MYH16: variants seen among roughly 807,000 people sequenced by gnomAD.
MYH16 encodes putative uncharacterized protein MYH16.
intron 6 of MYH16, among the ~76,000 whole-genome samples, chr7:99,252,209 C>T (rs572826054): frequency 1.3e-5 from 2 of 152,230 alleles, no homozygotes; most frequent in East Asian, 1.9e-4. Flanking sequence ...AGCTGTCTGG[C>T]GGGAGCTGTA....
chr7:99,291,852 G>T (rs1275520660), intron 31 of MYH16, among the ~76,000 whole-genome samples: 1 of 152,032 alleles, frequency 6.6e-6, no homozygotes, highest in Non-Finnish European at 1.5e-5. Flanking sequence ...CCAGCTACTT[G>T]GGAGGCCGAC....
chr7:99,277,774 G>A lies in MYH16; in HGVS notation n.2659+62G>A, dbSNP rs1277487482. 1.3e-5 allele frequency: 5 copies of A among 393,036 alleles called. No individual in the cohort carries two copies. In the East Asian group the frequency reaches 2.9e-4, roughly 23 times the overall value. The allele number at this position is 393,036 out of a possible 1,614,324, so 24.3% of individuals were successfully genotyped here. The stretch of plus-strand genomic sequence containing the variant: ...ATACAGCCTGGACCCTGGGAGGGAG[G>A]AAGGGCGAGCTCTTCCAAAAACCCA... On this transcript the variant is annotated intron_variant and non_coding_transcript_variant, in intron 21 of 41. Coordinates refer to ENST00000439784, the Ensembl canonical transcript of MYH16.
rs1292730476 is a variant in MYH16, at chr7:99,281,866, C to T, written n.2992+886C>T. Among the ~76,000 whole-genome samples, 11 of 152,174 alleles carry T rather than the reference C, an allele frequency of 7.2e-5. No individual in the cohort carries two copies. In the South Asian group the frequency reaches 8.3e-4, roughly 11 times the overall value. ...GCAAAGAGCCAGACAGTGGACCCCT[C>T]GTCCCTGTGTTTGCTGATACCGTGA... is the stretch of plus-strand genomic sequence containing the variant. On this transcript the variant is annotated intron_variant and non_coding_transcript_variant, in intron 23 of 41. Transcript: ENST00000439784.
intron 1 of MYH16, chr7:99,239,183 C>T (rs940781063): frequency 6.6e-6 from 1 of 152,352 alleles, no homozygotes; most frequent in Non-Finnish European, 1.5e-5. Flanking sequence ...GACTCGCCTA[C>T]ACTCAAGCTG....
chr7:99,239,557 C>T (rs1775674645), intron 1 of MYH16, among the ~76,000 whole-genome samples: 2 of 152,092 alleles, frequency 1.3e-5, no homozygotes, highest in Admixed American at 6.6e-5. Flanking sequence ...TGATGGCTTC[C>T]GATGGCTTTT....
At chr7:99,278,318 A>G (rs1792147339) in intron 21 of MYH16, among the ~76,000 whole-genome samples, 1 of 152,156 alleles carries the variant, frequency 6.6e-6, no homozygotes, top group Non-Finnish European at 1.5e-5. Flanking sequence ...GGGAAAGTCC[A>G]GGGATGGTGG....
chr7:99,297,038 T>G (rs1416263790), intron 34 of MYH16, 121 bp downstream of exon 15: 3 of 373,060 alleles, frequency 8.0e-6, no homozygotes, highest in Non-Finnish European at 1.6e-5. Flanking sequence ...CAATAAATGT[T>G]GACTTTCTAG....
chr7:99,279,807 T>C (rs1792175917), intron 22 of MYH16, 70 bp downstream of exon 4: 1 of 410,452 alleles, frequency 2.4e-6, no homozygotes, highest in Non-Finnish European at 4.8e-6. Flanking sequence ...AAAGCCCCTA[T>C]GGTGGCTACA....
At chr7:99,245,854 A>T (rs930580620) in intron 2 of MYH16, among the ~76,000 whole-genome samples, 1 of 151,782 alleles carries the variant, frequency 6.6e-6, no homozygotes, top group Non-Finnish European at 1.5e-5. Flanking sequence ...AAACAGGGTG[A>T]TTTCTTACAA....
chr7:99,280,427 T>C (rs1792186580), intron 22 of MYH16, among the ~76,000 whole-genome samples: 1 of 152,216 alleles, frequency 6.6e-6, no homozygotes, highest in African/African-American at 2.4e-5. Context: ...TTGCTGCCCC[T>C]CTGAACAGCT....
downstream of MYH16, chr7:99,310,711 C>A (rs1195819438): frequency 1.3e-5 from 2 of 152,222 alleles, no homozygotes; most frequent in African/African-American, 4.8e-5. Flanking sequence ...TCACCTTGCT[C>A]ACCATCTCTC....
chr7:99,247,992 TCA>T (rs984127114), intron 3 of MYH16, among the ~76,000 whole-genome samples: 4 of 152,346 alleles, frequency 2.6e-5, no homozygotes, highest in African/African-American at 9.6e-5. Flanking sequence ...CATTTAAGTT[TCA>T]CAAACCCGTG....
intron 11 of MYH16, chr7:99,260,051 A>T: frequency 1.3e-6 from 1 of 799,960 alleles, no homozygotes; most frequent in Non-Finnish European, 2.0e-6. Flanking sequence ...AGTGCCTGAC[A>T]CTAGTGGGCC....
chr7:99,280,111 G>A (rs947492938), intron 22 of MYH16, among the ~76,000 whole-genome samples: 1 of 152,176 alleles, frequency 6.6e-6, no homozygotes, highest in African/African-American at 2.4e-5. Context: ...CACCTCAGGT[G>A]ATCTGCCTGT....
At chr7:99,259,985 G>A (rs561908822) in intron 11 of MYH16, among the ~76,000 whole-genome samples, 1 of 151,908 alleles carries the variant, frequency 6.6e-6, no homozygotes, top group Non-Finnish European at 1.5e-5. Flanking sequence ...GTAGGGGAGG[G>A]AACAGAGAGC....
chr7:99,275,119 G>A (rs75632084), intron 20 of MYH16, among the ~76,000 whole-genome samples: 15,190 of 151,550 alleles, frequency 0.1, 1,790 homozygotes, highest in African/African-American at 0.28. Flanking sequence ...TCAGCCTCCC[G>A]AATAGCTCAG....
intron 18 of MYH16, among the ~76,000 whole-genome samples, chr7:99,267,481 C>T (rs894151445): frequency 6.6e-6 from 1 of 152,180 alleles, no homozygotes; most frequent in African/African-American, 2.4e-5. Context: ...CCACCTGCCT[C>T]GGCCTCCCAA....
intron 8 of MYH16, among the ~76,000 whole-genome samples, chr7:99,255,250 C>A (rs2150809181): frequency 6.6e-6 from 1 of 152,164 alleles, no homozygotes; most frequent in South Asian, 2.1e-4. Context: ...GCCTGGGTGA[C>A]AGAGCAAGAC....
chr7:99,265,307 G>A (rs546956859), intron 16 of MYH16: 9 of 152,778 alleles, frequency 5.9e-5, no homozygotes, highest in African/African-American at 2.2e-4. Flanking sequence ...ACAAGGCTCT[G>A]AGAGAAACCT....
Sources: allele counts gnomAD v4.1 joint callset (sites outside exome capture counted in the v4.1 genomes callset), GRCh38; gene constraint gnomAD v4.1.1; transcripts MANE v1.5; gene names NCBI Gene and HGNC (gene_info 2026-07-23, HGNC 2026-07-21).